Variants in CDH12 observed in about 807,000 individuals in gnomAD.
The protein encoded by CDH12 is cadherin 12, also known as cadherin-12.
A neutral mutation model predicts 74.1 loss-of-function variants in CDH12; 41 were observed. That is an observed-to-expected ratio of 0.55 (90% CI 0.43 to 0.72). The LOEUF is 0.72. CDH12 is among the 30% of genes least tolerant of loss of function. CDH12 has a pLI of 0.00. For missense variants in CDH12, 945 were observed against 977.2 expected, an observed-to-expected ratio of 0.97 and a Z score of 0.44; for synonymous variants, 399 against 355.0, an observed-to-expected ratio of 1.12 and a Z score of -1.39.
chr5:22,819,013 GA>G (rs1377164485), intron 1 of CDH12, among the ~76,000 whole-genome samples: 1 of 151,998 alleles, frequency 6.6e-6, no homozygotes, highest in East Asian at 1.9e-4. Flanking sequence ...GGTAGTTCAG[GA>G]ACACTGACTG....
At chr5:22,510,523 T>C (rs1736557940) in intron 1 of CDH12, among the ~76,000 whole-genome samples, 1 of 152,124 alleles carries the variant, frequency 6.6e-6, no homozygotes. Flanking sequence ...AAAATCAAAG[T>C]ACAGTCATCC....
intron 10 of CDH12, among the ~76,000 whole-genome samples, chr5:21,785,513 A>G (rs976098931): frequency 1.3e-5 from 2 of 152,232 alleles, no homozygotes; most frequent in African/African-American, 4.8e-5. Context: ...CTTGAAGGAA[A>G]TTGAAAGTGC....
At chr5:22,182,168 T>A (rs978575498) in intron 4 of CDH12, among the ~76,000 whole-genome samples, 4 of 152,090 alleles carry the variant, frequency 2.6e-5, no homozygotes, top group African/African-American at 7.2e-5. Context: ...AATATACTGA[T>A]CTTTCATTTC....
chr5:22,749,694 G>T (rs548980386), intron 1 of CDH12, among the ~76,000 whole-genome samples: 1 of 152,252 alleles, frequency 6.6e-6, no homozygotes, highest in Non-Finnish European at 1.5e-5. Flanking sequence ...AACACAGAGT[G>T]ATTGCTTCAT....
intron 7 of CDH12, 40 bp downstream of exon 7, chr5:21,854,631 G>C: frequency 6.6e-7 from 1 of 1,518,916 alleles, no homozygotes; most frequent in South Asian, 1.2e-5. Context: ...TTAAATATTT[G>C]AAGGGCTGGT....
intron 4 of CDH12, among the ~76,000 whole-genome samples, chr5:22,171,247 A>T (rs895227320): frequency 2.2e-4 from 33 of 151,844 alleles, no homozygotes; most frequent in Admixed American, 2.0e-4. Context: ...TAACGCTGAG[A>T]TAACAATTCC....
intron 4 of CDH12, among the ~76,000 whole-genome samples, chr5:22,171,009 CA>C (rs1432981141): frequency 1.3e-5 from 2 of 151,832 alleles, no homozygotes; most frequent in African/African-American, 4.8e-5. Context: ...CAGAGGTCCA[CA>C]AATACTTGGG....
chr5:22,075,376 G>A (rs186606597), intron 5 of CDH12, among the ~76,000 whole-genome samples: 153 of 151,544 alleles, frequency 1.0e-3, no homozygotes, highest in African/African-American at 3.5e-3. Context: ...ATGAGTTAAT[G>A]GGTACAGCAC....
intron 1 of CDH12, among the ~76,000 whole-genome samples, chr5:22,754,658 G>A (rs1351262356): frequency 2.0e-5 from 3 of 151,918 alleles, no homozygotes; most frequent in African/African-American, 7.3e-5. Context: ...GAGACATAAC[G>A]GCACAAAACG....
Position 22,780,778 on chromosome 5 carries a change from C to CT in CDH12, c.-523+72279dup, listed in dbSNP as rs567435397. 3.3e-3 allele frequency among the ~76,000 whole-genome samples: 498 copies of CT among 152,026 alleles called. 4 individuals carry two copies. Among genetic ancestry groups the CT allele is most frequent in the African/African-American group, 0.012 (481 of 41,498 alleles). ...TGACAGAATGAGACCCTGTTTCTCT[C>CT]TTTTTTTTAAGTGTGATCTATAGAC... On this transcript the variant is annotated intron_variant, in intron 1 of 14. Transcript: ENST00000382254.
chr5:22,041,377 G>A (rs1330224664), intron 5 of CDH12, among the ~76,000 whole-genome samples: 2 of 151,996 alleles, frequency 1.3e-5, no homozygotes, highest in Non-Finnish European at 2.9e-5. Context: ...AAAGTAGAAT[G>A]GATAATTTAA....
At position 22,333,202 on chromosome 5, in the gene CDH12, AAACT is replaced by A. The variant is rs1161940618; in HGVS notation, c.-333+72051_-333+72054del. ...AAAGCTGGAAGCCATCATCCTCAGCAAACTAACACAGAAACAGAAACCAAAAACC... is the reference window on the plus strand; with the variant it reads ...AAAGCTGGAAGCCATCATCCTCAGCAAACACAGAAACAGAAACCAAAAACC... On this transcript the variant is annotated intron_variant, in intron 3 of 14. Coordinates refer to ENST00000382254, the MANE Select transcript of CDH12 (RefSeq NM_004061.5). 2.6e-5 allele frequency among the ~76,000 whole-genome samples: 4 copies of A among 152,160 alleles called. No homozygotes were observed. In the East Asian group the frequency reaches 7.7e-4, roughly 29 times the overall value.
At chr5:21,845,416 G>A (rs1253546701) in intron 7 of CDH12, among the ~76,000 whole-genome samples, 1 of 152,078 alleles carries the variant, frequency 6.6e-6, no homozygotes, top group African/African-American at 2.4e-5. Flanking sequence ...ACATTTGAGT[G>A]CTTAGGCTCC....
At chr5:22,253,406 A>T (rs1455556544) in intron 3 of CDH12, among the ~76,000 whole-genome samples, 1 of 151,900 alleles carries the variant, frequency 6.6e-6, no homozygotes, top group Non-Finnish European at 1.5e-5. Flanking sequence ...AAAATTAGGA[A>T]ATTTAAAACA....
intron 4 of CDH12, among the ~76,000 whole-genome samples, chr5:22,135,550 G>C (rs988358734): frequency 6.6e-6 from 1 of 152,062 alleles, no homozygotes; most frequent in African/African-American, 2.4e-5. Flanking sequence ...GAAATGTAAA[G>C]AGGAATCTCT....
chr5:22,207,216 CA>C (rs11430414), intron 4 of CDH12, among the ~76,000 whole-genome samples: 70 of 92,320 alleles, frequency 7.6e-4, no homozygotes, highest in Middle Eastern at 5.9e-3. Flanking sequence ...AAGACTGTCT[CA>C]AAAAAAAAAA....
intron 5 of CDH12, among the ~76,000 whole-genome samples, chr5:22,060,010 A>G (rs538751235): frequency 6.6e-6 from 1 of 152,290 alleles, no homozygotes; most frequent in East Asian, 1.9e-4. Flanking sequence ...TGTAGAAACC[A>G]ACATCACTAA....
chr5:21,920,594 T>C (rs1424988273), intron 6 of CDH12, among the ~76,000 whole-genome samples: 1 of 151,210 alleles, frequency 6.6e-6, no homozygotes, highest in Non-Finnish European at 1.5e-5. Context: ...GGTTGATGGG[T>C]GCAGCAAACC....
At chr5:22,312,039 A>G (rs1456333768) in intron 3 of CDH12, among the ~76,000 whole-genome samples, 2 of 152,144 alleles carry the variant, frequency 1.3e-5, no homozygotes, top group Non-Finnish European at 2.9e-5. Flanking sequence ...TACACATATA[A>G]TTGAATTAGT....
Sources: gnomAD v4.1 joint callset for allele counts (sites outside exome capture counted in the v4.1 genomes callset) on GRCh38, gnomAD v4.1.1 for gene constraint, MANE v1.5 for transcripts, NCBI Gene and HGNC (gene_info 2026-07-23, HGNC 2026-07-21) for gene names.